HERC3: variants seen among roughly 807,000 people sequenced by gnomAD.
HERC3 encodes the protein probable E3 ubiquitin-protein ligase HERC3.
In HERC3, 58 loss-of-function variants were observed where a neutral mutation model predicts 129.9. The observed-to-expected ratio is 0.45, with a 90% CI of 0.36 to 0.56. The LOEUF (loss-of-function observed/expected upper bound fraction) is 0.56, where lower values mean the gene tolerates loss of function less well. Ranked by LOEUF, HERC3 falls within the 20% of genes least tolerant of loss-of-function variation. HERC3 has a pLI of 0.00. For synonymous variants in HERC3, 430 were observed against 451.0 expected (o/e 0.95, Z 0.59); for missense variants, 835 against 1,244.2 (o/e 0.67, Z 4.95).
intron 10 of HERC3, among the ~76,000 whole-genome samples, chr4:88,659,750 C>T (rs1730295819): frequency 6.6e-6 from 1 of 152,202 alleles, no homozygotes; most frequent in Non-Finnish European, 1.5e-5. Context: ...TTTATTTCCC[C>T]TAGAAACTAG....
intron 3 of HERC3, among the ~76,000 whole-genome samples, chr4:88,623,813 T>G (rs1196606600): frequency 6.6e-6 from 1 of 152,216 alleles, no homozygotes; most frequent in Non-Finnish European, 1.5e-5. Context: ...TTAGATAATT[T>G]ACACGCAGTA....
intron 3 of HERC3, among the ~76,000 whole-genome samples, chr4:88,607,285 G>C (rs1027590755): frequency 9.9e-5 from 15 of 152,100 alleles, no homozygotes; most frequent in Admixed American, 2.0e-4. Flanking sequence ...ATATAAAGGT[G>C]CAATACTTGT....
chr4:88,558,812 AG>A, the HERC3 span, among the ~76,000 whole-genome samples: 3 of 151,408 alleles, frequency 2.0e-5, no homozygotes, highest in Non-Finnish European at 4.4e-5. Context: ...AAAAAAAAAA[AG>A]AAAAATTAGC....
At chr4:88,586,234 C>A in the HERC3 span, among the ~76,000 whole-genome samples, 1 of 151,740 alleles carries the variant, frequency 6.6e-6, no homozygotes, top group African/African-American at 2.4e-5. Flanking sequence ...GTATGCCATG[C>A]AATTGTTTAA....
At chr4:88,696,785 G>A (rs1284281159) in intron 23 of HERC3, 1 of 161,938 alleles carries the variant, frequency 6.2e-6, no homozygotes, top group East Asian at 1.8e-4. Flanking sequence ...GAAATGTCAT[G>A]AGTAAAGAAA....
intron 1 of HERC3, among the ~76,000 whole-genome samples, chr4:88,593,839 C>T (rs907541949): frequency 6.6e-6 from 1 of 152,180 alleles, no homozygotes; most frequent in African/African-American, 2.4e-5. Flanking sequence ...ATGTTTTAGT[C>T]GGCAGATTAC....
At chr4:88,622,796 G>T (rs1435313386) in intron 3 of HERC3, among the ~76,000 whole-genome samples, 1 of 152,078 alleles carries the variant, frequency 6.6e-6, no homozygotes, top group Non-Finnish European at 1.5e-5. Context: ...GGGTGTGGTG[G>T]TGTGTGTCTG....
At chr4:88,626,099 G>T (rs1211129751) in intron 3 of HERC3, among the ~76,000 whole-genome samples, 1 of 152,046 alleles carries the variant, frequency 6.6e-6, no homozygotes, top group African/African-American at 2.4e-5. Flanking sequence ...TAGTGTCTTT[G>T]GTTTTATTAT....
the HERC3 span, among the ~76,000 whole-genome samples, chr4:88,525,591 G>A: frequency 1.3e-5 from 2 of 152,144 alleles, no homozygotes; most frequent in African/African-American, 4.8e-5. Context: ...CCACATAGAG[G>A]GTTTGAGGCA....
intron 1 of HERC3, among the ~76,000 whole-genome samples, chr4:88,594,554 C>T (rs1722130170): frequency 6.6e-6 from 1 of 152,140 alleles, no homozygotes; most frequent in Non-Finnish European, 1.5e-5. Context: ...CAGGCGTGCA[C>T]CACCATGCCC....
the HERC3 span, among the ~76,000 whole-genome samples, chr4:88,575,436 A>G: frequency 6.6e-6 from 1 of 152,218 alleles, no homozygotes; most frequent in African/African-American, 2.4e-5. Flanking sequence ...AGATGATGTC[A>G]CTTGCTCTCT....
the HERC3 span, among the ~76,000 whole-genome samples, chr4:88,546,635 C>A: frequency 2.4e-4 from 36 of 152,134 alleles, 1 homozygote; most frequent in Non-Finnish European, 4.6e-4. Flanking sequence ...TCAGACCCCC[C>A]AGGGAAGCTG....
At chr4:88,660,262 C>T (rs568711959) in intron 10 of HERC3, among the ~76,000 whole-genome samples, 6 of 151,602 alleles carry the variant, frequency 4.0e-5, no homozygotes, top group Non-Finnish European at 7.4e-5. Flanking sequence ...GGTACAATGG[C>T]GTGATCCCGG....
the HERC3 span, among the ~76,000 whole-genome samples, chr4:88,573,451 G>A: frequency 6.6e-6 from 1 of 152,166 alleles, no homozygotes; most frequent in East Asian, 1.9e-4. Flanking sequence ...AGTGTCACTA[G>A]GGACCCATGA....
chr4:88,649,350 T>C (rs565132606), intron 3 of HERC3, among the ~76,000 whole-genome samples: 1 of 152,316 alleles, frequency 6.6e-6, no homozygotes, highest in East Asian at 1.9e-4. Flanking sequence ...CCTGGCTGGA[T>C]ACAGACAAGA....
intron 23 of HERC3, among the ~76,000 whole-genome samples, chr4:88,698,723 A>T (rs1264298530): frequency 1.4e-5 from 2 of 147,374 alleles, no homozygotes; most frequent in African/African-American, 5.0e-5. Flanking sequence ...CTGTTTTCAC[A>T]CCTTTCCACA....
the HERC3 span, among the ~76,000 whole-genome samples, chr4:88,554,399 C>A: frequency 1.4e-5 from 2 of 147,906 alleles, no homozygotes; most frequent in African/African-American, 5.0e-5. Flanking sequence ...GATTAAGTGA[C>A]AAGAGGCTGT....
At chr4:88,529,438 C>CAGAGCA in the HERC3 span, among the ~76,000 whole-genome samples, 3 of 151,800 alleles carry the variant, frequency 2.0e-5, no homozygotes, top group South Asian at 6.2e-4. Flanking sequence ...GCCTAGGAGA[C>CAGAGCA]AGAGCAAGAC....
chr4:88,702,962 C>T (rs1309134521), intron 23 of HERC3, among the ~76,000 whole-genome samples: 1 of 152,208 alleles, frequency 6.6e-6, no homozygotes, highest in Non-Finnish European at 1.5e-5. Flanking sequence ...AAACCAACCT[C>T]TTATCTGCAA....
Sources: gnomAD v4.1 joint callset for allele counts (sites outside exome capture counted in the v4.1 genomes callset) on GRCh38, gnomAD v4.1.1 for gene constraint, MANE v1.5 for transcripts, NCBI Gene and HGNC (gene_info 2026-07-23, HGNC 2026-07-21) for gene names.